Variants in ETF1 observed in about 807,000 individuals in gnomAD.
ETF1 encodes eukaryotic translation termination factor 1.
A neutral mutation model predicts 55.1 loss-of-function variants in ETF1; 4 were observed. That is an observed-to-expected ratio of 0.07 (90% CI 0.04 to 0.17). The LOEUF (loss-of-function observed/expected upper bound fraction) is 0.17. Among genes scored for constraint, ETF1 ranks in the 10% least tolerant of loss-of-function variants. The pLI is 1.00. For missense variants in ETF1, 142 were observed against 523.6 expected (o/e 0.27, Z 7.11); for synonymous variants, 157 against 182.3 (o/e 0.86, Z 1.12).
intron 2 of ETF1, among the ~76,000 whole-genome samples, chr5:138,532,925 A>G (rs1168817320): frequency 2.0e-5 from 3 of 151,996 alleles, no homozygotes; most frequent in Non-Finnish European, 4.4e-5. Flanking sequence ...CATTGTTTAC[A>G]GTAAGTGTAT....
chr5:138,510,517 C>G, intron 9 of ETF1, 48 bp downstream of exon 9: 1 of 1,439,930 alleles, frequency 6.9e-7, no homozygotes, highest in Non-Finnish European at 9.8e-7. Flanking sequence ...CTCTAACACA[C>G]GGATTTACGC....
At chr5:138,529,353 G>C (rs1443081281) in intron 2 of ETF1, among the ~76,000 whole-genome samples, 3 of 152,092 alleles carry the variant, frequency 2.0e-5, no homozygotes, top group Admixed American at 2.0e-4. Flanking sequence ...CACCCTTCAG[G>C]GGAAAATGAA....
intron 2 of ETF1, among the ~76,000 whole-genome samples, chr5:138,531,109 C>T (rs1348258484): frequency 6.6e-6 from 1 of 152,160 alleles, no homozygotes; most frequent in Non-Finnish European, 1.5e-5. Context: ...AAAGGTGGGG[C>T]ATATGGAATG....
intron 2 of ETF1, among the ~76,000 whole-genome samples, chr5:138,534,189 G>A (rs1256886350): frequency 6.6e-6 from 1 of 152,022 alleles, no homozygotes; most frequent in Non-Finnish European, 1.5e-5. Context: ...AGTTCACAAA[G>A]GTTCATTTTA....
At chr5:138,522,114 G>T (rs536020381) in intron 2 of ETF1, among the ~76,000 whole-genome samples, 1,552 of 151,256 alleles carry the variant, frequency 0.01, 33 homozygotes, top group African/African-American at 0.035. Context: ...TGTTTTTTTG[G>T]TTTTTTTTAC....
intron 2 of ETF1, chr5:138,542,501 C>G (rs1014015878): frequency 3.3e-6 from 2 of 600,662 alleles, no homozygotes; most frequent in African/African-American, 3.9e-5. Context: ...CAATAGCACC[C>G]GAGTCGGGTG....
intron 5 of ETF1, 22 bp from the exon 6 acceptor site, chr5:138,512,976 A>G: frequency 6.7e-7 from 1 of 1,491,074 alleles, no homozygotes; most frequent in Middle Eastern, 1.8e-4. Context: ...AAGTAGCAAG[A>G]GAAAAAGGCA....
rs535563664 is a variant in ETF1, at chr5:138,528,481, G to A, written c.87-9614C>T. Among the ~76,000 whole-genome samples, 7 of 152,264 alleles carry A rather than the reference G, an allele frequency of 4.6e-5. No individual in the cohort carries two copies. The South Asian group carries it at 6.2e-4, about 14-fold the overall frequency. On this transcript the variant is annotated intron_variant, in intron 2 of 10. Transcript: ENST00000360541. ...CCATGTAACATTCCAGAGGACCAAG[G>A]AGCAAATACACCTAAGAATGTAATC...
intron 2 of ETF1, among the ~76,000 whole-genome samples, chr5:138,521,796 C>T (rs1004522366): frequency 1.3e-5 from 2 of 152,206 alleles, no homozygotes; most frequent in Non-Finnish European, 2.9e-5. Flanking sequence ...TCCCAAAGTG[C>T]TGGGATTACA....
chr5:138,521,119 G>A (rs569744369), intron 2 of ETF1, among the ~76,000 whole-genome samples: 2 of 152,224 alleles, frequency 1.3e-5, no homozygotes, highest in African/African-American at 4.8e-5. Context: ...AAAAAAAGTG[G>A]TGTGTGTGCA....
chr5:138,541,296 G>A (rs1438758296), intron 2 of ETF1, among the ~76,000 whole-genome samples: 1 of 152,172 alleles, frequency 6.6e-6, no homozygotes, highest in Non-Finnish European at 1.5e-5. Flanking sequence ...TACGGCACAA[G>A]TTCCTGTAAG....
chr5:138,521,284 T>C (rs1469924915), intron 2 of ETF1, among the ~76,000 whole-genome samples: 1 of 152,142 alleles, frequency 6.6e-6, no homozygotes, highest in African/African-American at 2.4e-5. Flanking sequence ...TTAAAGTTCA[T>C]AGAGACAGAG....
At chr5:138,518,515 C>T (rs1365610995) in intron 3 of ETF1, among the ~76,000 whole-genome samples, 177 bp downstream of exon 3, 2 of 152,112 alleles carry the variant, frequency 1.3e-5, no homozygotes, top group African/African-American at 4.8e-5. Context: ...GCCTGGCCTA[C>T]TTAACTTTCA....
In ETF1 at chr5:138,506,567, A is replaced by C. The variant is rs1764565912; in HGVS notation, c.*1738T>G. ...GTTCTGCAAACAAATAGCAGAGCCC[A>C]AAGCAAAAAAGCCTGTTCCGGTGAA... is the stretch of plus-strand genomic sequence containing the variant. On this transcript the variant is annotated 3_prime_UTR_variant, in exon 11 of 11. Transcript: ENST00000360541. 6.5e-6 allele frequency: 1 copy of C among 152,702 alleles called. No homozygotes were observed. Among genetic ancestry groups the C allele is most frequent in the South Asian group, 2.1e-4 (1 of 4,838 alleles). 9.5% of individuals were successfully genotyped at this position (152,702 alleles called of 1,614,324 possible).
rs1764617296 is a variant in ETF1 at position 138,507,910 on chromosome 5, T to A, written c.*395A>T. 6.0e-6 allele frequency: 1 copy of A among 165,852 alleles called. No individual in the cohort carries two copies. Among genetic ancestry groups the A allele is most frequent in the Middle Eastern group, 3.0e-3 (1 of 334 alleles). 10.3% of individuals were successfully genotyped at this position (165,852 alleles called of 1,614,324 possible). On this transcript the variant is annotated 3_prime_UTR_variant, in exon 11 of 11. Transcript: ENST00000360541. ...AATCAAAATAAGAAACAAACCAGTA[T>A]GATCTCACTTCTATTAACTTTTGAA...
In ETF1 at chr5:138,507,052, A is replaced by G. The variant is rs1012246915; in HGVS notation, c.*1253T>C. On this transcript the variant is annotated 3_prime_UTR_variant, in exon 11 of 11. Coordinates refer to ENST00000360541, the MANE Select transcript of ETF1 (RefSeq NM_004730.4). ...CACCCTGGGCACGCCATGACCTTGC[A>G]TATCAGCTGGGTTCAAGTCTGACTT... The G allele has an allele frequency of 1.3e-5, 2 of 152,098 alleles. No homozygotes were observed. The highest frequency in any genetic ancestry group is 4.8e-5 in the African/African-American group (2 of 41,434). 9.4% of individuals were successfully genotyped at this position (152,098 alleles called of 1,614,324 possible). A position where few individuals can be genotyped will look rare whatever the true frequency, so the allele number is the denominator to read the frequency against.
intron 4 of ETF1, among the ~76,000 whole-genome samples, chr5:138,515,948 G>A (rs557582344): frequency 2.0e-5 from 3 of 152,162 alleles, no homozygotes; most frequent in South Asian, 2.1e-4. Flanking sequence ...GTAAACTGTC[G>A]ACAAATGTCA....
Position 138,508,201 on chromosome 5 carries a change from G to A in ETF1, c.*104C>T, listed in dbSNP as rs1764626256. 1 of 1,320,016 alleles carries A rather than the reference G, an allele frequency of 7.6e-7. No individual in the cohort carries two copies. The highest frequency in any genetic ancestry group is 1.5e-5 in the South Asian group (1 of 68,586). The allele number at this position is 1,320,016 out of a possible 1,614,324, so 81.8% of individuals were successfully genotyped here. Reference sequence around the variant, plus strand: ...TGCTCATGGATTAAGTTCTGGAAATGTTCCAATTGTAAGGCAGGGATCTGT... The same window carrying A: ...TGCTCATGGATTAAGTTCTGGAAATATTCCAATTGTAAGGCAGGGATCTGT... On this transcript the variant is annotated 3_prime_UTR_variant, in exon 11 of 11. Transcript: ENST00000360541.
chr5:138,526,441 T>C (rs1383985584), intron 2 of ETF1, among the ~76,000 whole-genome samples: 3 of 152,212 alleles, frequency 2.0e-5, no homozygotes, highest in Non-Finnish European at 1.5e-5. Flanking sequence ...GTATTTGCAT[T>C]GGGAAGGGAT....
Sources: gnomAD v4.1 joint callset for allele counts (sites outside exome capture counted in the v4.1 genomes callset) on GRCh38, gnomAD v4.1.1 for gene constraint, MANE v1.5 for transcripts, NCBI Gene and HGNC (gene_info 2026-07-23, HGNC 2026-07-21) for gene names.